Variants in INTS9 observed in about 807,000 individuals in gnomAD.
The protein encoded by INTS9 is protein related to CPSF subunits of 74 kDa.
Under a neutral mutation model 79.7 loss-of-function variants are expected in INTS9, and 55 were observed. That is an observed-to-expected ratio of 0.69 (90% confidence interval 0.56 to 0.86). The LOEUF is 0.86. INTS9 is among the 40% of genes least tolerant of loss of function. The pLI is 0.00. For missense variants in INTS9, 721 were observed against 831.5 expected (o/e 0.87, Z 1.64); for synonymous variants, 319 against 325.2 (o/e 0.98, Z 0.20).
At chr8:28,881,676 G>C (rs1809825041) in intron 1 of INTS9, among the ~76,000 whole-genome samples, 1 of 134,806 alleles carries the variant, frequency 7.4e-6, no homozygotes, top group African/African-American at 2.8e-5. Flanking sequence ...CCCTCTGCCC[G>C]GCCAGCCGCC....
chr8:28,865,538 A>C (rs1808696943), intron 1 of INTS9, among the ~76,000 whole-genome samples: 1 of 152,118 alleles, frequency 6.6e-6, no homozygotes, highest in Admixed American at 6.6e-5. Flanking sequence ...AGATTATCAC[A>C]TAATCATAAA....
chr8:28,805,207 T>A (rs1187157418), intron 8 of INTS9, among the ~76,000 whole-genome samples: 2 of 152,196 alleles, frequency 1.3e-5, no homozygotes, highest in East Asian at 1.9e-4. Flanking sequence ...AGATCCCATA[T>A]AATGGAACGC....
At chr8:28,881,477 G>T (rs1809800306) in intron 1 of INTS9, among the ~76,000 whole-genome samples, 2 of 3,484 alleles carry the variant, frequency 5.7e-4, no homozygotes, top group East Asian at 0.025. Context: ...GGAGGGGGGA[G>T]GGGGGGGTCA....
intron 8 of INTS9, among the ~76,000 whole-genome samples, chr8:28,804,087 C>G (rs1804671199): frequency 1.3e-5 from 2 of 152,078 alleles, no homozygotes; most frequent in South Asian, 4.1e-4. Context: ...CCACGCCCAG[C>G]TTCTTTCTTG....
rs184027079 is a variant in INTS9, at chr8:28,796,771, T to A, written c.745-116A>T. On this transcript the variant is annotated intron_variant, in intron 8 of 16. Coordinates refer to ENST00000521022, the MANE Select transcript of INTS9 (RefSeq NM_018250.4). ...TTCTACGTTTAACCCATCATCGAGT[T>A]CTCTTATGTTCTCTAAGGAATAGTC... The A allele has an allele frequency of 5.7e-6, 4 of 698,398 alleles. No individual in the cohort carries two copies. The East Asian group carries it at 1.1e-4, about 19-fold the overall frequency. 43.3% of individuals were successfully genotyped at this position (698,398 alleles called of 1,614,324 possible).
At chr8:28,869,023 G>A (rs890178467) in intron 1 of INTS9, among the ~76,000 whole-genome samples, 1 of 151,972 alleles carries the variant, frequency 6.6e-6, no homozygotes, top group African/African-American at 2.4e-5. Flanking sequence ...AGCTTGAGGA[G>A]GCAGAGGTTG....
intron 10 of INTS9, among the ~76,000 whole-genome samples, chr8:28,789,572 TACCGC>T (rs1486240780): frequency 6.6e-6 from 1 of 152,140 alleles, no homozygotes; most frequent in South Asian, 2.1e-4. Flanking sequence ...AGACCTCAGG[TACCGC>T]ACACTCTTCC....
chr8:28,772,234 G>A (rs57099877), intron 14 of INTS9, among the ~76,000 whole-genome samples: 11,819 of 152,204 alleles, frequency 0.078, 1,468 homozygotes, highest in African/African-American at 0.27. Context: ...GATCAAAGAC[G>A]TACAGTTTGG....
At chr8:28,855,264 A>T (rs1293878795) in intron 2 of INTS9, among the ~76,000 whole-genome samples, 3 of 152,262 alleles carry the variant, frequency 2.0e-5, no homozygotes, top group African/African-American at 7.2e-5. Context: ...AAAGAACAAG[A>T]GGCAGAGTAT....
intron 1 of INTS9, chr8:28,862,112 C>CAAAGA: frequency 1.0e-6 from 1 of 985,454 alleles, no homozygotes; most frequent in South Asian, 4.7e-5. Flanking sequence ...GAGGCGCTTG[C>CAAAGA]AAAGGGCCCA....
chr8:28,849,299 T>C (rs1807696418), intron 3 of INTS9, among the ~76,000 whole-genome samples: 1 of 152,196 alleles, frequency 6.6e-6, no homozygotes, highest in Non-Finnish European at 1.5e-5. Flanking sequence ...TTGTAACATT[T>C]TTGGTAGCTT....
Position 28,889,918 on chromosome 8 carries a change from C to T in INTS9, c.-36G>A. 1 of 1,594,662 alleles carries T rather than the reference C, an allele frequency of 6.3e-7. No individual in the cohort carries two copies. Among genetic ancestry groups the T allele is most frequent in the Non-Finnish European group, 8.6e-7 (1 of 1,163,228 alleles). ...TGGTGGTTCAATAGCAGTCACTGAA[C>T]TCCTCAAACCCAGGAAGCGTCTTCC... On this transcript the variant is annotated 5_prime_UTR_variant, in exon 1 of 17. Coordinates refer to ENST00000521022, the MANE Select transcript of INTS9 (RefSeq NM_018250.4).
Position 28,847,454 on chromosome 8 carries a change from TCCACCACCA to T in INTS9, c.199-654_199-646del, listed in dbSNP as rs559854008. ...CACTACCACGACTACCACCACTACC[TCCACCACCA>T]CCACCACCACTACCACCTCCACCTC... On this transcript the variant is annotated intron_variant, in intron 3 of 16. Coordinates refer to ENST00000521022, the MANE Select transcript of INTS9 (RefSeq NM_018250.4). 3.7e-3 allele frequency among the ~76,000 whole-genome samples: 563 copies of T among 150,542 alleles called. 10 individuals are homozygous for T. The highest frequency in any genetic ancestry group is 0.035 in the Admixed American group (525 of 15,130).
chr8:28,843,216 G>A (rs1807302161), intron 4 of INTS9, among the ~76,000 whole-genome samples: 1 of 152,176 alleles, frequency 6.6e-6, no homozygotes, highest in South Asian at 2.1e-4. Context: ...AGGATCAGGG[G>A]TTGGCCACTT....
intron 10 of INTS9, among the ~76,000 whole-genome samples, chr8:28,790,034 A>G (rs1803836155): frequency 6.6e-6 from 1 of 152,244 alleles, no homozygotes; most frequent in Non-Finnish European, 1.5e-5. Flanking sequence ...GAGCAAGGGC[A>G]GACACTGGAC....
chr8:28,788,619 A>G (rs944422171), intron 10 of INTS9, among the ~76,000 whole-genome samples: 46 of 152,152 alleles, frequency 3.0e-4, no homozygotes, highest in African/African-American at 1.1e-3. Context: ...GGGTTTCACC[A>G]TGTTGGCCAG....
At chr8:28,855,148 G>A (rs1808072205) in intron 2 of INTS9, among the ~76,000 whole-genome samples, 1 of 152,156 alleles carries the variant, frequency 6.6e-6, no homozygotes, top group Non-Finnish European at 1.5e-5. Context: ...CATCAAAACT[G>A]TAGTCATAGA....
chr8:28,796,702 T>C lies in INTS9; in HGVS notation c.745-47A>G, dbSNP rs777634823. 4 of 1,107,994 alleles carry C rather than the reference T, an allele frequency of 3.6e-6. No individual in the cohort carries two copies. In the African/African-American group the frequency reaches 6.1e-5, roughly 17 times the overall value. The allele number at this position is 1,107,994 out of a possible 1,614,324, so 68.6% of individuals were successfully genotyped here. On this transcript the variant is annotated intron_variant, in intron 8 of 16. Transcript: ENST00000521022. ...TGGTTAGTAATTTTAAAAGGAACAT[T>C]ACCTACAAATAGTGAAAGAATACGA...
intron 9 of INTS9, 32 bp from the exon 10 acceptor site, chr8:28,794,019 A>T (rs1185879367): frequency 6.7e-7 from 1 of 1,496,702 alleles, no homozygotes; most frequent in African/African-American, 1.4e-5. Context: ...GAGAAAAAAC[A>T]TCATATCAAA....
Sources: allele counts gnomAD v4.1 joint callset (sites outside exome capture counted in the v4.1 genomes callset), GRCh38; gene constraint gnomAD v4.1.1; transcripts MANE v1.5; gene names NCBI Gene and HGNC (gene_info 2026-07-23, HGNC 2026-07-21).